Variants in TENM4 observed in about 807,000 individuals in gnomAD.
TENM4 encodes the protein teneurin-4.
A neutral mutation model predicts 243.3 loss-of-function variants in TENM4; 82 were observed. The observed-to-expected ratio is 0.34, with a 90% confidence interval of 0.28 to 0.40. TENM4 has a LOEUF of 0.40. Ranked by LOEUF, TENM4 falls within the 10% of genes least tolerant of loss-of-function variation. TENM4 has a pLI of 1.00. For synonymous variants in TENM4, 1,412 were observed against 1,456.3 expected, an observed-to-expected ratio of 0.97 and a Z score of 0.69; for missense variants, 3,138 against 3,673.3, an observed-to-expected ratio of 0.85 and a Z score of 3.77.
chr11:78,666,382 A>G lies in TENM4; in HGVS notation c.7408+2555T>C, dbSNP rs1858160777. On this transcript the variant is annotated intron_variant, in intron 32 of 33. Coordinates refer to ENST00000278550, the MANE Select transcript of TENM4 (RefSeq NM_001098816.3). ...CCTTTTGTCTTCGTGTTTTATTGCA[A>G]TGTAAAATCTTTTTCTTATGGTGGG... 3.3e-5 allele frequency among the ~76,000 whole-genome samples: 5 copies of G among 152,196 alleles called. No homozygotes were observed. The South Asian group carries it at 1.0e-3, about 31-fold the overall frequency.
intron 1 of TENM4, among the ~76,000 whole-genome samples, chr11:79,436,495 C>G (rs1164588312): frequency 6.6e-6 from 1 of 152,216 alleles, no homozygotes; most frequent in Non-Finnish European, 1.5e-5. Context: ...CACATCCTAT[C>G]ACCTTACTCC....
intron 3 of TENM4, among the ~76,000 whole-genome samples, chr11:79,174,074 C>G (rs1034687186): frequency 2.0e-5 from 3 of 152,180 alleles, no homozygotes; most frequent in Non-Finnish European, 4.4e-5. Context: ...ATCTCTTAAG[C>G]TTTTTAACCC....
chr11:78,906,625 C>T (rs1856068833), intron 6 of TENM4, among the ~76,000 whole-genome samples: 1 of 152,226 alleles, frequency 6.6e-6, no homozygotes, highest in Admixed American at 6.5e-5. Flanking sequence ...AAGGAATGTT[C>T]TGGGCCAAAT....
intron 1 of TENM4, among the ~76,000 whole-genome samples, chr11:79,427,175 G>T (rs1470001436): frequency 2.0e-5 from 3 of 152,150 alleles, no homozygotes; most frequent in Admixed American, 6.5e-5. Context: ...AGACTAGAGG[G>T]ACCCTGGTCT....
At chr11:79,439,446 C>T (rs1859349548) in intron 1 of TENM4, among the ~76,000 whole-genome samples, 1 of 152,238 alleles carries the variant, frequency 6.6e-6, no homozygotes. Flanking sequence ...ATCGCCTTAA[C>T]ATTTTGCCCT....
intron 7 of TENM4, among the ~76,000 whole-genome samples, chr11:78,899,286 A>G (rs957395297): frequency 6.6e-6 from 1 of 151,930 alleles, no homozygotes; most frequent in African/African-American, 2.4e-5. Flanking sequence ...TGTCCCCCCA[A>G]AGCTCATGTT....
intron 1 of TENM4, among the ~76,000 whole-genome samples, chr11:79,336,537 C>G (rs1170310406): frequency 6.6e-6 from 1 of 152,146 alleles, no homozygotes; most frequent in African/African-American, 2.4e-5. Flanking sequence ...TAAGCTATTA[C>G]CACAATGCAA....
chr11:79,266,651 C>G (rs1855888707), intron 2 of TENM4, among the ~76,000 whole-genome samples: 1 of 152,130 alleles, frequency 6.6e-6, no homozygotes, highest in South Asian at 2.1e-4. Flanking sequence ...TTAAGAGGTG[C>G]AATAACATTG....
chr11:78,922,461 T>A (rs76887098), intron 6 of TENM4, among the ~76,000 whole-genome samples: 1,995 of 152,316 alleles, frequency 0.013, 20 homozygotes, highest in Middle Eastern at 0.027. Flanking sequence ...CACACAGTGC[T>A]CTGTTTGCAA....
intron 5 of TENM4, among the ~76,000 whole-genome samples, chr11:79,066,604 GCGTGCACACACA>G (rs1166336029): frequency 3.3e-5 from 5 of 149,934 alleles, no homozygotes; most frequent in Non-Finnish European, 7.4e-5. Context: ...GCACACACGC[GCGTGCACACACA>G]CGTGCGCACA....
chr11:79,037,197 G>A lies in TENM4; in HGVS notation c.493+27541C>T, dbSNP rs192657828. ...TGCTATGCACATGGGCCAGCTGCCT[G>A]CTCCTCTAACCTCAAATGTGGTCCC... On this transcript the variant is annotated intron_variant, in intron 6 of 33. Transcript: ENST00000278550. Among the ~76,000 whole-genome samples, 32 of 152,316 alleles carry A rather than the reference G, an allele frequency of 2.1e-4. 2 individuals carry two copies. The East Asian group carries it at 6.0e-3, about 28-fold the overall frequency.
At chr11:78,937,339 T>G (rs1856807930) in intron 6 of TENM4, among the ~76,000 whole-genome samples, 1 of 152,204 alleles carries the variant, frequency 6.6e-6, no homozygotes, top group African/African-American at 2.4e-5. Context: ...GAGGGTGCTT[T>G]TCTGAACACA....
intron 3 of TENM4, among the ~76,000 whole-genome samples, chr11:79,153,852 C>T (rs987401451): frequency 1.3e-4 from 20 of 152,056 alleles, no homozygotes; most frequent in African/African-American, 4.8e-4. Context: ...AGACTTAGAC[C>T]CTCATCCTCT....
Position 78,832,005 on chromosome 11 carries a change from G to T in TENM4, c.1682-17610C>A, listed in dbSNP as rs565730320. ...CCTATTGCAAGTCAGGCACAGTGCT[G>T]GTACATTGCATTGTGTCATTAATCC... On this transcript the variant is annotated intron_variant, in intron 12 of 33. Coordinates refer to ENST00000278550, the MANE Select transcript of TENM4 (RefSeq NM_001098816.3). Among the ~76,000 whole-genome samples, 123 of 152,304 alleles carry T rather than the reference G, an allele frequency of 8.1e-4. No homozygotes were observed. The Middle Eastern group carries it at 0.01, about 13-fold the overall frequency.
intron 6 of TENM4, among the ~76,000 whole-genome samples, chr11:78,941,614 G>A (rs933551161): frequency 6.6e-6 from 1 of 152,174 alleles, no homozygotes; most frequent in African/African-American, 2.4e-5. Context: ...GGTTGGGGGG[G>A]TGTCCCACAA....
At chr11:79,062,870 G>C (rs1193308146) in intron 6 of TENM4, among the ~76,000 whole-genome samples, 2 of 152,084 alleles carry the variant, frequency 1.3e-5, no homozygotes, top group Non-Finnish European at 2.9e-5. Context: ...TCGGGGTGGG[G>C]AGAAGCAGGG....
At chr11:78,730,104 C>G (rs1855617972) in intron 21 of TENM4, among the ~76,000 whole-genome samples, 1 of 152,206 alleles carries the variant, frequency 6.6e-6, no homozygotes, top group Non-Finnish European at 1.5e-5. Context: ...GCTCACGGAA[C>G]CTCTGAATCT....
Position 78,658,660 on chromosome 11 carries a change from C to T in TENM4, c.7708G>A (p.Val2570Ile). 3 of 1,614,012 alleles carry T rather than the reference C, an allele frequency of 1.9e-6. No individual in the cohort carries two copies. Among genetic ancestry groups the T allele is most frequent in the East Asian group, 2.2e-5 (1 of 44,892 alleles). Reference protein sequence around the residue: ...ASSGSVFGKGVKFALKDGRVT... With the variant: ...ASSGSVFGKGIKFALKDGRVT... Reference sequence around the variant, plus strand: ...CGGCCATCCTTCAAGGCAAACTTGACCCCCTTGCCAAAGACTGAGCCGCTG... The same window carrying T: ...CGGCCATCCTTCAAGGCAAACTTGATCCCCTTGCCAAAGACTGAGCCGCTG... The change falls in exon 34 of 34, where the codon GTC becomes ATC. Residue 2570 changes from valine to isoleucine, a missense_variant. Val to Ile is a conservative substitution (Grantham distance 29). Around this residue, in one of 2 missense-constraint regions of TENM4, gnomAD observed 2,467 missense variants for 3,059.1 expected, o/e 0.81. Coordinates refer to ENST00000278550, the MANE Select transcript of TENM4 (RefSeq NM_001098816.3).
chr11:79,108,258 G>T (rs2137096533), intron 4 of TENM4, among the ~76,000 whole-genome samples: 1 of 152,262 alleles, frequency 6.6e-6, no homozygotes, highest in African/African-American at 2.4e-5. Context: ...TTAGGTAAAG[G>T]AGATGACTTG....
Sources: allele counts gnomAD v4.1 joint callset (sites outside exome capture counted in the v4.1 genomes callset), GRCh38; gene constraint gnomAD v4.1.1; regional missense constraint gnomAD v4.1.1; transcripts MANE v1.5; gene names NCBI Gene and HGNC (gene_info 2026-07-23, HGNC 2026-07-21).